Variants in TM2D1 observed in about 807,000 individuals in gnomAD.
The protein encoded by TM2D1 is TM2 domain-containing protein 1.
A neutral mutation model predicts 28.4 loss-of-function variants in TM2D1; 15 were observed. The ratio of observed to expected loss-of-function variants is 0.53; its 90% CI spans 0.35 to 0.81. The LOEUF (loss-of-function observed/expected upper bound fraction) is 0.81. Among genes scored for constraint, TM2D1 ranks in the 40% least tolerant of loss-of-function variants. The pLI, the probability that TM2D1 is intolerant of heterozygous loss-of-function variation, is 0.01. For synonymous variants in TM2D1, 93 were observed against 96.2 expected (o/e 0.97, Z 0.20); for missense variants, 236 against 254.9 (o/e 0.93, Z 0.50).
intron 4 of TM2D1, chr1:61,698,786 T>C (rs1161751540): frequency 6.6e-6 from 1 of 151,924 alleles, no homozygotes; most frequent in East Asian, 1.9e-4. Flanking sequence ...TATGTCACTA[T>C]GTTGTCTCTG....
In TM2D1 at chr1:61,709,423, C is replaced by A. The variant is rs772366934; in HGVS notation, c.253G>T (p.Ala85Ser). ...GAATCCTTACAAGTTATGTTGGGTG[C>A]TGGAAAACAGGAAACTGAAGGCAGA... is the stretch of plus-strand genomic sequence containing the variant. ...NYTAHVSCFPAPNITCKDSSG... is the reference protein window; with the variant it reads ...NYTAHVSCFPSPNITCKDSSG... The change falls in exon 3 of 7, where the codon GCA becomes TCA. Residue 85 changes from alanine to serine, a missense_variant. Physicochemically the swap from Ala to Ser is moderately conservative, Grantham distance 99 (BLOSUM62 1). Around this residue, in one of 3 missense-constraint regions of TM2D1, gnomAD observed 167 missense variants for 162.7 expected, o/e 1.03. Transcript: ENST00000606498. 6.2e-7 allele frequency: 1 copy of A among 1,603,176 alleles called. No individual in the cohort carries two copies. The highest frequency in any genetic ancestry group is 8.5e-7 in the Non-Finnish European group (1 of 1,173,092).
chr1:61,706,225 C>A (rs1644439306), intron 3 of TM2D1, among the ~76,000 whole-genome samples: 1 of 152,150 alleles, frequency 6.6e-6, no homozygotes, highest in Admixed American at 6.5e-5. Context: ...TTGTTTGAGA[C>A]TGGATCTGGT....
At chr1:61,717,131 G>A (rs1273979500) in intron 2 of TM2D1, among the ~76,000 whole-genome samples, 2 of 151,988 alleles carry the variant, frequency 1.3e-5, no homozygotes, top group African/African-American at 2.4e-5. Flanking sequence ...AGCGGATCAT[G>A]AGGTCAGGAG....
Position 61,691,479 on chromosome 1 carries a change from G to A in TM2D1, c.513+3218C>T, listed in dbSNP as rs1446013224. ...CATTGCACTCCAGCCTGGACGACAA[G>A]AGCAAAACTCCATCTCAAAAAAAAA... On this transcript the variant is annotated intron_variant, in intron 5 of 6. Transcript: ENST00000606498. Among the ~76,000 whole-genome samples, 17 of 94,214 alleles carry A rather than the reference G, an allele frequency of 1.8e-4. 2 individuals are homozygous for A. In the East Asian group the frequency reaches 5.3e-3, roughly 30 times the overall value. The allele number at this position is 94,214 out of a possible 152,430, so 61.8% of individuals were successfully genotyped here.
At chr1:61,683,838 G>A (rs1199957893) in intron 5 of TM2D1, 4 of 205,310 alleles carry the variant, frequency 1.9e-5, no homozygotes, top group Non-Finnish European at 3.9e-5. Context: ...TCTTCATTCT[G>A]CAGAGTGGCA....
At chr1:61,709,277 GATATA>G (rs1644460752) in intron 3 of TM2D1, 47 bp downstream of exon 3, 4 of 1,100,752 alleles carry the variant, frequency 3.6e-6, no homozygotes, top group Non-Finnish European at 5.5e-6. Flanking sequence ...ATGCAATGAA[GATATA>G]ATATAGGCAA....
At position 61,707,867 on chromosome 1, in the gene TM2D1, G is replaced by C. The variant is rs191167420; in HGVS notation, c.347+1462C>G. Among the ~76,000 whole-genome samples, 62 of 151,940 alleles carry C rather than the reference G, an allele frequency of 4.1e-4. No individual in the cohort carries two copies. In the South Asian group the frequency reaches 7.5e-3, roughly 18 times the overall value. On this transcript the variant is annotated intron_variant, in intron 3 of 6. Transcript: ENST00000606498. ...TAAGGTTCAATGCATCTGTACAGTG[G>C]CTTATTTCTTGAAACAACCAAAACT... is the stretch of plus-strand genomic sequence containing the variant.
intron 2 of TM2D1, among the ~76,000 whole-genome samples, chr1:61,719,938 T>C (rs969533051): frequency 1.3e-5 from 2 of 152,242 alleles, no homozygotes; most frequent in Non-Finnish European, 2.9e-5. Context: ...GGTTACCCAC[T>C]GAGGCAGAGT....
intron 6 of TM2D1, among the ~76,000 whole-genome samples, chr1:61,682,319 C>T (rs530933740): frequency 1.3e-5 from 2 of 152,280 alleles, no homozygotes; most frequent in South Asian, 2.1e-4. Flanking sequence ...AGCTTCTAGA[C>T]AGCTGCTAGA....
intron 2 of TM2D1, among the ~76,000 whole-genome samples, chr1:61,716,462 TA>T (rs1464731169): frequency 1.7e-4 from 25 of 145,576 alleles, no homozygotes; most frequent in Admixed American, 2.8e-4. Flanking sequence ...TTTATATACA[TA>T]TATAATTATA....
intron 3 of TM2D1, among the ~76,000 whole-genome samples, chr1:61,704,403 A>T (rs1297288806): frequency 6.6e-6 from 1 of 152,038 alleles, no homozygotes; most frequent in African/African-American, 2.4e-5. Flanking sequence ...TAAGCCAAAA[A>T]AAGAAAGTTT....
intron 5 of TM2D1, among the ~76,000 whole-genome samples, chr1:61,688,896 G>T (rs1644304426): frequency 6.6e-6 from 1 of 150,720 alleles, no homozygotes; most frequent in Admixed American, 6.7e-5. Flanking sequence ...AATTAGCTGG[G>T]CGCGGTGGCA....
At chr1:61,717,172 C>G (rs12754462) in intron 2 of TM2D1, among the ~76,000 whole-genome samples, 7,096 of 151,372 alleles carry the variant, frequency 0.047, 239 homozygotes, top group Middle Eastern at 0.11. Context: ...CACGGTGAAA[C>G]CCCTTCTCTA....
chr1:61,684,604 A>G (rs1276447036), intron 5 of TM2D1, among the ~76,000 whole-genome samples: 1 of 152,230 alleles, frequency 6.6e-6, no homozygotes, highest in Non-Finnish European at 1.5e-5. Flanking sequence ...TGCATTTCCA[A>G]TAACATTTTA....
At chr1:61,691,689 G>A (rs1644326109) in intron 5 of TM2D1, among the ~76,000 whole-genome samples, 1 of 150,650 alleles carries the variant, frequency 6.6e-6, no homozygotes, top group Non-Finnish European at 1.5e-5. Flanking sequence ...ACCAAGGTGG[G>A]TGGATCACCT....
intron 1 of TM2D1, 41 bp downstream of exon 1, chr1:61,724,916 C>CT: frequency 6.5e-7 from 1 of 1,544,082 alleles, no homozygotes; most frequent in East Asian, 2.3e-5. Context: ...GACCCCAACT[C>CT]TACCTCGCCT....
chr1:61,692,704 CTGA>C (rs921370462), intron 5 of TM2D1, among the ~76,000 whole-genome samples: 8 of 151,530 alleles, frequency 5.3e-5, no homozygotes, highest in African/African-American at 1.5e-4. Context: ...TCCTCTAAAA[CTGA>C]TGATGTCAAC....
intron 2 of TM2D1, among the ~76,000 whole-genome samples, chr1:61,710,300 C>A (rs913870603): frequency 2.0e-5 from 3 of 151,422 alleles, no homozygotes; most frequent in African/African-American, 7.3e-5. Context: ...GTGGCTTGTG[C>A]CTGTGATCCC....
chr1:61,703,723 TATATATATATA>T (rs1644420058), intron 3 of TM2D1, among the ~76,000 whole-genome samples: 1 of 3,450 alleles, frequency 2.9e-4, no homozygotes, highest in African/African-American at 6.8e-4. Flanking sequence ...AATCTTTATA[TATATATATATA>T]TATATATATA....
Sources: allele counts gnomAD v4.1 joint callset (sites outside exome capture counted in the v4.1 genomes callset), GRCh38; gene constraint gnomAD v4.1.1; regional missense constraint gnomAD v4.1.1; transcripts MANE v1.5; gene names NCBI Gene and HGNC (gene_info 2026-07-23, HGNC 2026-07-21).